Variants in TBC1D16 observed in about 807,000 individuals in gnomAD.
TBC1D16 encodes the protein CTD-2529O21.1.
A neutral mutation model predicts 74.7 loss-of-function variants in TBC1D16; 58 were observed. The ratio of observed to expected loss-of-function variants is 0.78; its 90% CI spans 0.63 to 0.97. The LOEUF is 0.97. TBC1D16 is among the 50% of genes least tolerant of loss of function. TBC1D16 has a pLI of 0.00. For synonymous variants in TBC1D16, 493 were observed against 474.7 expected (o/e 1.04, Z -0.50); for missense variants, 1,014 against 1,079.5 (o/e 0.94, Z 0.85).
chr17:80,020,831 G>A lies in TBC1D16; in HGVS notation c.-62-7222C>T, dbSNP rs565782505. The stretch of plus-strand genomic sequence containing the variant: ...CCCGAAATGTAAGAGTGCTGCCAGG[G>A]ATTTAAATCTCCACCAGGCTGGGAA... On this transcript the variant is annotated intron_variant, in intron 1 of 11. Transcript: ENST00000310924. Among the ~76,000 whole-genome samples, 44 of 150,154 alleles carry A rather than the reference G, an allele frequency of 2.9e-4. 1 individual carries two copies. The South Asian group carries it at 8.4e-3, about 29-fold the overall frequency.
At chr17:80,003,963 C>A (rs910972663) in intron 3 of TBC1D16, among the ~76,000 whole-genome samples, 2 of 152,306 alleles carry the variant, frequency 1.3e-5, no homozygotes, top group African/African-American at 4.8e-5. Flanking sequence ...GTGGGAGGAT[C>A]GCTCGAGCCC....
intron 3 of TBC1D16, among the ~76,000 whole-genome samples, chr17:79,967,680 T>TA (rs1306195121): frequency 6.6e-6 from 1 of 152,210 alleles, no homozygotes; most frequent in African/African-American, 2.4e-5. Flanking sequence ...TCCAAATTGA[T>TA]ACACAGATTC....
At chr17:79,943,938 G>A (rs1347055771) in intron 10 of TBC1D16, 2 of 1,468,618 alleles carry the variant, frequency 1.4e-6, no homozygotes, top group African/African-American at 1.4e-5. Context: ...TCCATGCCGT[G>A]CTTCCCTTCG....
rs1279002118 is a variant in TBC1D16, at chr17:79,954,149, C to G, written c.780-1331G>C. On this transcript the variant is annotated intron_variant, in intron 3 of 11. Coordinates refer to ENST00000310924, the MANE Select transcript of TBC1D16 (RefSeq NM_019020.4). The surrounding 1 kb of genome is among the most constrained non-coding windows in gnomAD (Gnocchi z 5.5). ...GGCAAGACTCAGCTCTGGACCCCAA[C>G]TGCAGCACCCCACAGAGACTCAGCC... Among the ~76,000 whole-genome samples the G allele has an allele frequency of 2.0e-5, 3 of 152,336 alleles. No homozygotes were observed. In the East Asian group the frequency reaches 5.8e-4, roughly 29 times the overall value.
intron 2 of TBC1D16, among the ~76,000 whole-genome samples, chr17:80,011,998 T>C (rs2035913774): frequency 6.6e-6 from 1 of 152,122 alleles, no homozygotes; most frequent in African/African-American, 2.4e-5. Context: ...GGATTTCTCC[T>C]GGGCCAGAGC....
At chr17:79,948,746 CT>C in intron 8 of TBC1D16, 125 bp downstream of exon 8, 2 of 1,275,134 alleles carry the variant, frequency 1.6e-6, no homozygotes, top group Non-Finnish European at 1.1e-6. Context: ...ACTTCTGGGG[CT>C]TTGATGTATG....
intron 1 of TBC1D16, among the ~76,000 whole-genome samples, chr17:80,014,810 A>T (rs561964401): frequency 6.6e-6 from 1 of 152,176 alleles, no homozygotes; most frequent in South Asian, 2.1e-4. Context: ...GAAAAAAAAA[A>T]TAGAAAATGC....
chr17:79,960,821 A>G (rs1361251282), intron 3 of TBC1D16, among the ~76,000 whole-genome samples: 1 of 141,516 alleles, frequency 7.1e-6, no homozygotes, highest in African/African-American at 2.6e-5. Flanking sequence ...GAAGGAATGA[A>G]ACTGACACTG....
chr17:80,030,138 G>A (rs570884467), intron 1 of TBC1D16, among the ~76,000 whole-genome samples: 60 of 152,190 alleles, frequency 3.9e-4, no homozygotes, highest in African/African-American at 1.1e-3. Flanking sequence ...CCGTGGCCAC[G>A]TAACATACCA....
chr17:79,943,697 T>TCCCA (rs1396165053), intron 10 of TBC1D16, among the ~76,000 whole-genome samples: 1 of 151,448 alleles, frequency 6.6e-6, no homozygotes, highest in Non-Finnish European at 1.5e-5. Flanking sequence ...CCAACAGAGA[T>TCCCA]CCCACGTCAC....
chr17:80,025,115 C>CACA (rs1378974240), intron 1 of TBC1D16, among the ~76,000 whole-genome samples: 11 of 81,804 alleles, frequency 1.3e-4, no homozygotes, highest in Non-Finnish European at 2.4e-4. Flanking sequence ...CACACAAACA[C>CACA]CACAGACACA....
intron 1 of TBC1D16, among the ~76,000 whole-genome samples, chr17:80,032,986 C>T (rs373537708): frequency 2.6e-5 from 4 of 152,152 alleles, no homozygotes; most frequent in African/African-American, 9.7e-5. Context: ...AGGGACCCAG[C>T]CCCCGGTCAA....
chr17:79,951,687 G>A (rs1170357981), intron 4 of TBC1D16, 90 bp from the exon 5 acceptor site: 40 of 1,458,412 alleles, frequency 2.7e-5, no homozygotes, highest in African/African-American at 4.2e-5. Flanking sequence ...GGCCACTGTC[G>A]CCAACCTCAG....
In TBC1D16 at chr17:79,951,546, C is replaced by T. The variant is rs774699039; in HGVS notation, c.993G>A (p.Gln331=). 6 of 1,613,972 alleles carry T rather than the reference C, an allele frequency of 3.7e-6. No homozygotes were observed. The highest frequency in any genetic ancestry group is 1.1e-5 in the South Asian group (1 of 91,086). ...GQLVVASRES[Q]YKVFHFHHGG... ...CGTGGTGGAAGTGGAAAACCTTGTA[C>T]TGGCTCTCTCGGCTGGCAACGACCA... Residue 331 remains glutamine, a synonymous_variant, in exon 5 of 12, where the codon CAG becomes CAA. Transcript: ENST00000310924.
At position 80,008,218 on chromosome 17, in the gene TBC1D16, C is replaced by G. The variant is rs1472124719; in HGVS notation, c.779+1942G>C. The stretch of plus-strand genomic sequence containing the variant: ...GGGCGGGGAAAAGCGAACCGGGGTG[C>G]ATTCTCACAATACCCCCAGAAAGTG... On this transcript the variant is annotated intron_variant, in intron 3 of 11. Transcript: ENST00000310924. The surrounding 1 kb of genome is among the most constrained non-coding windows in gnomAD (Gnocchi z 4.5). 1.3e-5 allele frequency among the ~76,000 whole-genome samples: 2 copies of G among 152,080 alleles called. No homozygotes were observed. Among genetic ancestry groups the G allele is most frequent in the African/African-American group, 4.8e-5 (2 of 41,386 alleles).
intron 3 of TBC1D16, among the ~76,000 whole-genome samples, chr17:79,995,021 G>A (rs1299179927): frequency 3.9e-5 from 6 of 151,954 alleles, no homozygotes; most frequent in South Asian, 4.2e-4. Context: ...AGCTATGGCC[G>A]GGCACCGTGG....
chr17:80,017,807 A>T (rs1772028076), intron 1 of TBC1D16, among the ~76,000 whole-genome samples: 1 of 152,132 alleles, frequency 6.6e-6, no homozygotes. Flanking sequence ...ATCTGACCAA[A>T]TCCAGGGGAT....
intron 1 of TBC1D16, among the ~76,000 whole-genome samples, chr17:80,028,704 A>G (rs2143387542): frequency 6.6e-6 from 1 of 150,992 alleles, no homozygotes; most frequent in East Asian, 2.0e-4. Flanking sequence ...GGTCACTGCA[A>G]TCTCCGCCTC....
chr17:79,947,707 C>A lies in TBC1D16; in HGVS notation c.1666G>T (p.Gly556Cys). ...DESDTFWCFV[G>C]LMQNTIFVSS... ...ACGAAGATCGTGTTCTGCATCAAAC[C>A]CACAAAGCACCAGAAGGTGTCTGAC... is the stretch of plus-strand genomic sequence containing the variant. The change falls in exon 9 of 12, where the codon GGT (glycine) becomes TGT (cysteine). Residue 556 changes from glycine (G) to cysteine (C), a missense_variant. Coordinates refer to ENST00000310924, the MANE Select transcript of TBC1D16 (RefSeq NM_019020.4). The A allele has an allele frequency of 6.2e-7, 1 of 1,614,154 alleles. No individual in the cohort carries two copies. Among genetic ancestry groups the A allele is most frequent in the Non-Finnish European group, 8.5e-7 (1 of 1,180,038 alleles).
Sources: gnomAD v4.1 joint callset for allele counts (sites outside exome capture counted in the v4.1 genomes callset) on GRCh38, gnomAD v4.1.1 for gene constraint, Gnocchi (gnomAD v3.1) non-coding constraint, MANE v1.5 for transcripts, NCBI Gene and HGNC (gene_info 2026-07-23, HGNC 2026-07-21) for gene names.